Variants in DNAH17 observed in about 807,000 individuals in gnomAD.
DNAH17 encodes the protein dynein axonemal heavy chain 17, also known as axonemal beta dynein heavy chain 17.
In DNAH17, 376 loss-of-function variants were observed where a neutral mutation model predicts 485.6. That is an observed-to-expected ratio of 0.77 (90% confidence interval 0.71 to 0.84). The LOEUF (loss-of-function observed/expected upper bound fraction) is 0.84. Ranked by LOEUF, DNAH17 falls within the 40% of genes least tolerant of loss-of-function variation. The pLI is 0.00. For synonymous variants in DNAH17, 3,031 were observed against 2,405.9 expected (o/e 1.26, Z -7.60); for missense variants, 6,370 against 5,839.3 (o/e 1.09, Z -2.96).
In DNAH17 at chr17:78,459,002, G is replaced by A. The variant is rs772024478; in HGVS notation, c.9860C>T (p.Ala3287Val). ...EKLSRIKNKI[A>V]ELNANLSNLT... is the part of the protein sequence containing the mutation. The stretch of plus-strand genomic sequence containing the variant: ...GGACGGGAGCGAGCCGGCACTTACG[G>A]CAATCTTGTTTTTGATCCGGGACAG... Residue 3287 changes from alanine (A) to valine (V), a missense_variant and splice_region_variant, in exon 61 of 81, where the codon GCC (alanine) becomes GTC (valine). Physicochemically the swap from Ala to Val is moderately conservative, Grantham distance 64. Coordinates refer to ENST00000389840, the MANE Select transcript of DNAH17 (RefSeq NM_173628.4). 1.9e-6 allele frequency: 3 copies of A among 1,613,986 alleles called. No homozygotes were observed. The highest frequency in any genetic ancestry group is 2.5e-6 in the Non-Finnish European group (3 of 1,179,880).
rs758391166 is a variant in DNAH17, at chr17:78,560,824, G to A, written c.1947C>T (p.Asp649=). 6.4e-7 allele frequency: 1 copy of A among 1,551,788 alleles called. No homozygotes were observed. Among genetic ancestry groups the A allele is most frequent in the Non-Finnish European group, 8.7e-7 (1 of 1,147,118 alleles). The part of the protein sequence containing the change: ...KIYQQWVAGV[D]QDCHFNLGQP... ...GCCCCAGGTTAAAGTGGCAGTCCTG[G>A]TCCACGCCCGCCACCCACTGCTGGT... is the stretch of plus-strand genomic sequence containing the variant. Residue 649 remains aspartate (D), a synonymous_variant, in exon 13 of 81, where the codon GAC becomes GAT. Transcript: ENST00000389840.
chr17:78,532,703 T>A lies in DNAH17; in HGVS notation c.2893A>T (p.Met965Leu). ...ACCAGGCTGGACACCTCCTCCCTCA[T>A]CTCTATGAGGTCTGTGTTATCTTCC... ...DLEDNTDLIE[M>L]REEVSSLVIN... The change falls in exon 20 of 81, where the codon ATG (methionine) becomes TTG (leucine). Residue 965 changes from methionine to leucine, a missense_variant. By Grantham distance (15) the Met-to-Leu change is conservative. Coordinates refer to ENST00000389840, the MANE Select transcript of DNAH17 (RefSeq NM_173628.4). 2 of 1,593,870 alleles carry A rather than the reference T, an allele frequency of 1.3e-6. No homozygotes were observed. The highest frequency in any genetic ancestry group is 1.7e-6 in the Non-Finnish European group (2 of 1,169,106).
rs2086580901 is a variant in DNAH17 at position 78,428,974 on chromosome 17, TC to T, written c.12405+146del. On this transcript the variant is annotated intron_variant, in intron 76 of 80. Transcript: ENST00000389840. Reference sequence around the variant, plus strand: ...TTGTTTGTATTAGCCTTGTGCTTCTTCCAAGTGAGACGCATTTCTCATCCTC... The same window carrying T: ...TTGTTTGTATTAGCCTTGTGCTTCTTCAAGTGAGACGCATTTCTCATCCTC... 151 of 855,858 alleles carry T rather than the reference TC, an allele frequency of 1.8e-4. 4 individuals are homozygous for T. In the South Asian group the frequency reaches 2.4e-3, roughly 13 times the overall value. 53.0% of individuals were successfully genotyped at this position (855,858 alleles called of 1,614,324 possible).
intron 48 of DNAH17, among the ~76,000 whole-genome samples, chr17:78,484,092 C>T (rs2089472935): frequency 1.2e-5 from 1 of 80,758 alleles, no homozygotes; most frequent in African/African-American, 6.2e-5. Context: ...CGAGATTTCT[C>T]CTCAAAAAAA....
intron 2 of DNAH17, 136 bp from the exon 3 acceptor site, chr17:78,573,030 G>C (rs2092383009): frequency 1.4e-6 from 1 of 701,856 alleles, no homozygotes; most frequent in Admixed American, 3.0e-5. Context: ...ACAGAGCCAG[G>C]TCCCCAGGGG....
At chr17:78,486,810 C>G (rs2089630765) in intron 44 of DNAH17, among the ~76,000 whole-genome samples, 1 of 152,054 alleles carries the variant, frequency 6.6e-6, no homozygotes, top group Non-Finnish European at 1.5e-5. Context: ...AAGCACATAC[C>G]AAGGGCTGGT....
intron 57 of DNAH17, among the ~76,000 whole-genome samples, chr17:78,462,030 G>A (rs900611907): frequency 3.3e-5 from 5 of 151,982 alleles, no homozygotes; most frequent in Non-Finnish European, 5.9e-5. Context: ...AAATTAGCAA[G>A]GCATGGTGGC....
At chr17:78,561,567 C>A (rs2092155031) in intron 12 of DNAH17, 148 bp downstream of exon 12, 1 of 972,956 alleles carries the variant, frequency 1.0e-6, no homozygotes, top group South Asian at 2.2e-5. Flanking sequence ...GGAGGGAGGA[C>A]CAGAAGGGGT....
chr17:78,461,271 G>A (rs1245884344), intron 58 of DNAH17, among the ~76,000 whole-genome samples: 3 of 152,220 alleles, frequency 2.0e-5, no homozygotes, highest in Non-Finnish European at 4.4e-5. Context: ...TTTCTCACAA[G>A]CTTCTGGTGA....
chr17:78,495,507 G>A (rs974235292), intron 38 of DNAH17, among the ~76,000 whole-genome samples: 10 of 149,064 alleles, frequency 6.7e-5, no homozygotes, highest in South Asian at 2.2e-4. Context: ...GTGCCATCCC[G>A]GCTCACTGCA....
intron 54 of DNAH17, 109 bp from the exon 55 acceptor site, chr17:78,468,992 CTCGCTCTG>C: frequency 7.3e-7 from 1 of 1,370,770 alleles, no homozygotes; most frequent in Non-Finnish European, 9.7e-7. Context: ...GAGACGGAGT[CTCGCTCTG>C]TCGCCCAGGC....
rs1436360159 is a variant in DNAH17, at chr17:78,539,846, C to A, written c.2567G>T (p.Ser856Ile). 3 of 1,609,740 alleles carry A rather than the reference C, an allele frequency of 1.9e-6. No individual in the cohort carries two copies. The highest frequency in any genetic ancestry group is 1.7e-6 in the Non-Finnish European group (2 of 1,178,828). The stretch of plus-strand genomic sequence containing the variant: ...GATGACATAATCCTTCCAGGGCAGG[C>A]TCAGTGTGTCTGCCCTGAATAGTTC... ...NAELFRADTL[S>I]LPWKDYVIYI... The change falls in exon 18 of 81, where the codon AGC becomes ATC. Residue 856 changes from serine to isoleucine, a missense_variant. Physicochemically the swap from Ser to Ile is moderately radical, Grantham distance 142 (BLOSUM62 -2). Transcript: ENST00000389840.
At position 78,468,862 on chromosome 17, in the gene DNAH17, T is replaced by C. The variant is rs749589275; in HGVS notation, c.8533A>G (p.Ile2845Val). 8.7e-6 allele frequency: 14 copies of C among 1,613,676 alleles called. No individual in the cohort carries two copies. In the Admixed American group the frequency reaches 1.7e-4, roughly 19 times the overall value. Residue 2845 changes from isoleucine to valine, a missense_variant, in exon 55 of 81, where the codon ATA becomes GTA. By Grantham distance (29) the Ile-to-Val change is conservative (BLOSUM62 3). Transcript: ENST00000389840. The stretch of plus-strand genomic sequence containing the variant: ...GGAACGTTCTTCACGGCAGCCTTTA[T>C]GTACTGAGCAGCGAGGTCAATCTGG... Reference protein sequence around the residue: ...DLKIDLAAQYIKAAVKNVPSV... With the variant: ...DLKIDLAAQYVKAAVKNVPSV...
intron 2 of DNAH17, among the ~76,000 whole-genome samples, chr17:78,573,852 C>G (rs772600050): frequency 1.3e-5 from 2 of 152,136 alleles, no homozygotes; most frequent in Non-Finnish European, 2.9e-5. Flanking sequence ...AGCACACAGG[C>G]CCCTGTACTG....
At chr17:78,549,049 T>C (rs1485226910) in intron 16 of DNAH17, among the ~76,000 whole-genome samples, 1 of 152,202 alleles carries the variant, frequency 6.6e-6, no homozygotes, top group African/African-American at 2.4e-5. Context: ...GTGATTATTC[T>C]CCTTATAATG....
At chr17:78,546,251 C>G (rs1213082814) in intron 16 of DNAH17, among the ~76,000 whole-genome samples, 1 of 152,166 alleles carries the variant, frequency 6.6e-6, no homozygotes, top group Non-Finnish European at 1.5e-5. Flanking sequence ...TTTTAAAGGT[C>G]AAAAATGGTC....
intron 14 of DNAH17, among the ~76,000 whole-genome samples, chr17:78,553,243 AC>A (rs1426647742): frequency 7.5e-6 from 1 of 132,818 alleles, no homozygotes; most frequent in Non-Finnish European, 1.6e-5. Context: ...AGCTAATTAA[AC>A]CTCTTTTCTT....
chr17:78,446,418 G>A (rs952075881), intron 69 of DNAH17, among the ~76,000 whole-genome samples: 2 of 151,920 alleles, frequency 1.3e-5, no homozygotes, highest in South Asian at 2.1e-4. Context: ...GGAAGCACAC[G>A]ACATGCCCCG....
intron 74 of DNAH17, among the ~76,000 whole-genome samples, chr17:78,435,893 G>A (rs746676977): frequency 1.1e-4 from 17 of 152,212 alleles, no homozygotes; most frequent in Non-Finnish European, 1.5e-4. Flanking sequence ...CAGGAGGCGT[G>A]TGGTATTGAT....
Sources: gnomAD v4.1 joint callset for allele counts (sites outside exome capture counted in the v4.1 genomes callset) on GRCh38, gnomAD v4.1.1 for gene constraint, MANE v1.5 for transcripts, NCBI Gene and HGNC (gene_info 2026-07-23, HGNC 2026-07-21) for gene names.